Variants in BICD1 observed in about 807,000 individuals in gnomAD.
The protein encoded by BICD1 is BICD cargo adaptor 1, also known as protein bicaudal D homolog 1.
A neutral mutation model predicts 92.5 loss-of-function variants in BICD1; 35 were observed. That is an observed-to-expected ratio of 0.38 (90% CI 0.29 to 0.50). BICD1 has a LOEUF of 0.50. Ranked by LOEUF, BICD1 falls within the 20% of genes least tolerant of loss-of-function variation. The pLI is 0.93. For synonymous variants in BICD1, 429 were observed against 465.1 expected, an observed-to-expected ratio of 0.92 and a Z score of 1.00; for missense variants, 950 against 1,189.8, an observed-to-expected ratio of 0.80 and a Z score of 2.97.
Position 32,263,339 on chromosome 12 carries a change from G to C in BICD1, c.427-30655G>C, listed in dbSNP as rs147413084. On this transcript the variant is annotated intron_variant, in intron 2 of 9. Coordinates refer to ENST00000652176, the MANE Select transcript of BICD1 (RefSeq NM_001714.4). ...CGAGGCGGGTGGATCACGAGGTCAG[G>C]AGTTCAAGACCACTCTCGCCAAGAT... Among the ~76,000 whole-genome samples the C allele has an allele frequency of 3.4e-3, 521 of 152,144 alleles. 3 individuals carry two copies. The highest frequency in any genetic ancestry group is 0.012 in the African/African-American group (513 of 41,518).
intron 2 of BICD1, among the ~76,000 whole-genome samples, chr12:32,246,116 G>A (rs147734582): frequency 5.4e-5 from 8 of 149,134 alleles, no homozygotes; most frequent in Non-Finnish European, 1.2e-4. Context: ...AAAGATTTGC[G>A]TATTGGGTTA....
At chr12:32,252,157 T>C (rs1474101991) in intron 2 of BICD1, among the ~76,000 whole-genome samples, 1 of 32,388 alleles carries the variant, frequency 3.1e-5, no homozygotes, top group East Asian at 1.4e-3. Context: ...TATTACATAT[T>C]ATATATTTAT....
chr12:32,334,444 A>C, intron 5 of BICD1, 72 bp from the exon 6 acceptor site: 4 of 1,433,832 alleles, frequency 2.8e-6, no homozygotes, highest in Non-Finnish European at 3.7e-6. Flanking sequence ...CATAATAGGC[A>C]CAGCATGAAG....
At chr12:32,338,649 A>AAG in intron 7 of BICD1, 137 bp from the exon 8 acceptor site, 1 of 749,724 alleles carries the variant, frequency 1.3e-6, no homozygotes, top group South Asian at 2.2e-5. Context: ...AAAAAAAAAA[A>AAG]AAGCAAAAAG....
At chr12:32,345,952 C>T (rs55638219) in intron 8 of BICD1, among the ~76,000 whole-genome samples, 111 of 152,124 alleles carry the variant, frequency 7.3e-4, no homozygotes, top group African/African-American at 2.6e-3. Context: ...AGTTCAAGAC[C>T]AGCCTGGGCA....
chr12:32,255,636 C>T (rs2136115483), intron 2 of BICD1, among the ~76,000 whole-genome samples: 1 of 152,382 alleles, frequency 6.6e-6, no homozygotes, highest in East Asian at 1.9e-4. Context: ...TTACCTCTCA[C>T]ACTGCTCCAG....
At chr12:32,142,263 A>T (rs2668296) in intron 1 of BICD1, among the ~76,000 whole-genome samples, 1 of 151,566 alleles carries the variant, frequency 6.6e-6, no homozygotes, top group Non-Finnish European at 1.5e-5. Flanking sequence ...AAAATTAGCC[A>T]GGTGTGGTGG....
intron 1 of BICD1, chr12:32,109,110 T>G (rs1025339582): frequency 6.5e-6 from 1 of 154,798 alleles, no homozygotes; most frequent in African/African-American, 2.4e-5. Flanking sequence ...GAAATGTACC[T>G]CTTACTGACT....
In BICD1 at chr12:32,242,694, T is replaced by A. The variant is rs547546212; in HGVS notation, c.426+26235T>A. Among the ~76,000 whole-genome samples, 23 of 152,320 alleles carry A rather than the reference T, an allele frequency of 1.5e-4. No homozygotes were observed. The South Asian group carries it at 4.4e-3, about 29-fold the overall frequency. On this transcript the variant is annotated intron_variant, in intron 2 of 9. Transcript: ENST00000652176. ...GTAAGTGGAAATCCTTTCCACTGGT[T>A]TATTTTCCTTTTGATTTTATTTTAC... is the stretch of plus-strand genomic sequence containing the variant.
chr12:32,270,078 A>G (rs261868), intron 2 of BICD1, among the ~76,000 whole-genome samples: 90,868 of 145,848 alleles, frequency 0.62, 28,830 homozygotes, highest in African/African-American at 0.69. Flanking sequence ...CCAAGATGGC[A>G]CCACTGCTCT....
intron 4 of BICD1, among the ~76,000 whole-genome samples, chr12:32,312,144 G>A (rs1336537593): frequency 6.6e-6 from 1 of 152,112 alleles, no homozygotes; most frequent in Admixed American, 6.5e-5. Flanking sequence ...AAAGGGGAAG[G>A]TAATAAATTA....
intron 2 of BICD1, among the ~76,000 whole-genome samples, chr12:32,232,240 C>G (rs1392179128): frequency 2.0e-5 from 3 of 148,636 alleles, no homozygotes; most frequent in African/African-American, 7.4e-5. Context: ...CACATCCTCT[C>G]CAGCACCTGT....
intron 8 of BICD1, among the ~76,000 whole-genome samples, chr12:32,365,920 T>C (rs1939509930): frequency 6.6e-6 from 1 of 152,200 alleles, no homozygotes; most frequent in Non-Finnish European, 1.5e-5. Context: ...ACAGATTTGT[T>C]ATATTTGAAA....
At chr12:32,278,527 C>T (rs1228392775) in intron 2 of BICD1, among the ~76,000 whole-genome samples, 2 of 152,174 alleles carry the variant, frequency 1.3e-5, no homozygotes, top group Non-Finnish European at 2.9e-5. Flanking sequence ...GGTTAAAATA[C>T]CCAGGTCAGA....
intron 3 of BICD1, among the ~76,000 whole-genome samples, chr12:32,300,809 T>TA (rs1948022458): frequency 7.0e-6 from 1 of 143,846 alleles, no homozygotes; most frequent in African/African-American, 2.7e-5. Context: ...CATGCCCAGC[T>TA]AAATTTTTTT....
At chr12:32,163,380 AC>A (rs1388242465) in intron 1 of BICD1, among the ~76,000 whole-genome samples, 1 of 152,182 alleles carries the variant, frequency 6.6e-6, no homozygotes, top group Non-Finnish European at 1.5e-5. Flanking sequence ...TAAGACTAAT[AC>A]ATGTTTATTG....
intron 1 of BICD1, among the ~76,000 whole-genome samples, chr12:32,172,707 C>A (rs147026638): frequency 2.0e-5 from 3 of 152,236 alleles, no homozygotes; most frequent in African/African-American, 4.8e-5. Context: ...AAGATGCTGA[C>A]CTGGGTAGGA....
rs1381515124 is a variant in BICD1, at chr12:32,337,574, G to A, written c.2328G>A (p.Leu776=). The change falls in exon 7 of 10, where the codon CTG becomes CTA. Residue 776 remains leucine (L), a synonymous_variant. Coordinates refer to ENST00000652176, the MANE Select transcript of BICD1 (RefSeq NM_001714.4). This position sits in a 1 kb window ranked among gnomAD's most constrained non-coding sequence, Gnocchi z 4.7. ...LAAAEDEKKT[L]NTLLRMAIQQ... ...CTGCAGAGGATGAGAAGAAGACTCT[G>A]AACACTTTGTTACGAATGGCTATCC... 1 of 1,614,208 alleles carries A rather than the reference G, an allele frequency of 6.2e-7. No individual in the cohort carries two copies. The highest frequency in any genetic ancestry group is 2.2e-5 in the East Asian group (1 of 44,882).
intron 2 of BICD1, among the ~76,000 whole-genome samples, chr12:32,254,900 T>A (rs1946675541): frequency 6.6e-6 from 1 of 151,662 alleles, no homozygotes; most frequent in Non-Finnish European, 1.5e-5. Context: ...GCAGAAGCAT[T>A]AAGTAAGATG....
Sources: gnomAD v4.1 joint callset for allele counts (sites outside exome capture counted in the v4.1 genomes callset) on GRCh38, gnomAD v4.1.1 for gene constraint, Gnocchi (gnomAD v3.1) non-coding constraint, MANE v1.5 for transcripts, NCBI Gene and HGNC (gene_info 2026-07-23, HGNC 2026-07-21) for gene names.